The following CACUL1 variants were observed in gnomAD, a reference collection of about 807,000 sequenced individuals.
CACUL1 encodes CDK2-associated and cullin domain-containing protein 1.
Under a neutral mutation model 45.2 loss-of-function variants are expected in CACUL1, and 13 were observed. The ratio of observed to expected loss-of-function variants is 0.29; its 90% confidence interval spans 0.19 to 0.46. The LOEUF is 0.46. CACUL1 is among the 20% of genes least tolerant of loss of function. CACUL1 has a pLI of 1.00. For synonymous variants in CACUL1, 197 were observed against 174.2 expected (o/e 1.13, Z -1.03); for missense variants, 421 against 471.4 (o/e 0.89, Z 0.99).
chr10:118,686,287 A>G, intron 8 of CACUL1, 119 bp from the exon 9 acceptor site: 2 of 868,120 alleles, frequency 2.3e-6, no homozygotes, highest in Non-Finnish European at 3.7e-6. Flanking sequence ...AAAAGGCTTA[A>G]AAAAAATCCT....
intron 3 of CACUL1, among the ~76,000 whole-genome samples, chr10:118,713,727 T>C (rs1033146603): frequency 6.6e-6 from 1 of 152,204 alleles, no homozygotes; most frequent in Non-Finnish European, 1.5e-5. Flanking sequence ...TTTATGCCTA[T>C]ACTAGAAAAT....
At chr10:118,718,285 C>G (rs1173106453) in intron 3 of CACUL1, among the ~76,000 whole-genome samples, 1 of 151,824 alleles carries the variant, frequency 6.6e-6, no homozygotes, top group Non-Finnish European at 1.5e-5. Context: ...CAAGGTTCCC[C>G]AAAGATACAA....
In CACUL1 at chr10:118,707,567, A is replaced by G. The variant is rs749536951; in HGVS notation, c.618T>C (p.Tyr206=). The G allele has an allele frequency of 2.6e-6, 4 of 1,565,310 alleles. No individual in the cohort carries two copies. In the African/African-American group the frequency reaches 4.1e-5, roughly 16 times the overall value. Residue 206 remains tyrosine, a synonymous_variant, in exon 4 of 9, where the codon TAT becomes TAC. Transcript: ENST00000369151. ...CAAGAGCTATATTAAATCTTTCAAT[A>G]TAGAGATCTGGAGGGCTGGCCTGTG... The part of the protein sequence containing the change: ...KELQASPPDL[Y]IERFNIALGQ...
intron 3 of CACUL1, among the ~76,000 whole-genome samples, chr10:118,720,570 T>C (rs923690773): frequency 5.3e-5 from 8 of 152,206 alleles, no homozygotes; most frequent in Admixed American, 4.6e-4. Flanking sequence ...AAACAGCTAT[T>C]ATTTATGTGA....
intron 3 of CACUL1, among the ~76,000 whole-genome samples, chr10:118,724,756 G>C (rs889093248): frequency 6.6e-6 from 1 of 152,192 alleles, no homozygotes; most frequent in East Asian, 1.9e-4. Context: ...AAAGAGGACA[G>C]AGCAAGATAT....
At chr10:118,745,336 T>G (rs963772512) in intron 1 of CACUL1, among the ~76,000 whole-genome samples, 1 of 151,946 alleles carries the variant, frequency 6.6e-6, no homozygotes, top group Non-Finnish European at 1.5e-5. Context: ...GGTAGGTAGG[T>G]GGATCACCTG....
At chr10:118,717,722 C>T (rs905956828) in intron 3 of CACUL1, among the ~76,000 whole-genome samples, 1 of 152,136 alleles carries the variant, frequency 6.6e-6, no homozygotes, top group African/African-American at 2.4e-5. Flanking sequence ...CAAGTGTGAA[C>T]TAACAGTGTA....
At position 118,684,441 on chromosome 10, in the gene CACUL1, G is replaced by C. The variant is rs1208785073; in HGVS notation, c.*1687C>G. On this transcript the variant is annotated 3_prime_UTR_variant, in exon 9 of 9. Coordinates refer to ENST00000369151, the MANE Select transcript of CACUL1 (RefSeq NM_153810.5). Reference sequence around the variant, plus strand: ...AGCAACTTAAACTGTCCAGGTCATAGTGAGAGCCTGTCTATGTTCTTACAG... The same window carrying C: ...AGCAACTTAAACTGTCCAGGTCATACTGAGAGCCTGTCTATGTTCTTACAG... The C allele has an allele frequency of 1.3e-5, 2 of 152,240 alleles. No individual in the cohort carries two copies. The highest frequency in any genetic ancestry group is 1.3e-4 in the Admixed American group (2 of 15,284). The allele number at this position is 152,240 out of a possible 1,614,324, so 9.4% of individuals were successfully genotyped here.
At chr10:118,737,303 A>G (rs887924814) in intron 1 of CACUL1, among the ~76,000 whole-genome samples, 1 of 152,222 alleles carries the variant, frequency 6.6e-6, no homozygotes, top group Admixed American at 6.5e-5. Context: ...GCATAATTCA[A>G]TTTAAACACT....
chr10:118,752,097 T>G (rs1318975413), intron 1 of CACUL1, among the ~76,000 whole-genome samples: 1 of 152,198 alleles, frequency 6.6e-6, no homozygotes, highest in Non-Finnish European at 1.5e-5. Flanking sequence ...TCTAGGTAGG[T>G]GATCATATTA....
chr10:118,716,905 TA>T (rs1249192163), intron 3 of CACUL1, among the ~76,000 whole-genome samples: 2 of 152,158 alleles, frequency 1.3e-5, no homozygotes, highest in African/African-American at 4.8e-5. Flanking sequence ...CCCAGCGCAC[TA>T]TCTTATTCTT....
chr10:118,695,295 T>C, intron 5 of CACUL1, 65 bp from the exon 6 acceptor site: 1 of 908,754 alleles, frequency 1.1e-6, no homozygotes, highest in South Asian at 1.3e-5. Flanking sequence ...TCTCTATTAC[T>C]GTTTCTCCCA....
In CACUL1 at chr10:118,734,972, C is replaced by A. The variant is rs902867483; in HGVS notation, c.368-4562G>T. On this transcript the variant is annotated intron_variant, in intron 1 of 8. Transcript: ENST00000369151. ...AGAATAAATATGTTCAACTCTCACA[C>A]TTTTTTAATCCAAATAACTTGACAT... Among the ~76,000 whole-genome samples the A allele has an allele frequency of 9.8e-5, 15 of 152,306 alleles. No homozygotes were observed. In the South Asian group the frequency reaches 1.9e-3, roughly 19 times the overall value.
At chr10:118,738,979 C>T (rs1214925968) in intron 1 of CACUL1, among the ~76,000 whole-genome samples, 1 of 147,724 alleles carries the variant, frequency 6.8e-6, no homozygotes, top group African/African-American at 2.5e-5. Context: ...AGGCGGATCA[C>T]GAGGTCAGGA....
intron 3 of CACUL1, among the ~76,000 whole-genome samples, chr10:118,727,059 T>C (rs886311167): frequency 6.6e-6 from 1 of 152,024 alleles, no homozygotes; most frequent in African/African-American, 2.4e-5. Flanking sequence ...CAAACTAAAT[T>C]CCCTGGTTTT....
At chr10:118,740,206 A>G (rs755873515) in intron 1 of CACUL1, among the ~76,000 whole-genome samples, 1 of 152,196 alleles carries the variant, frequency 6.6e-6, no homozygotes, top group African/African-American at 2.4e-5. Flanking sequence ...AATACAAACA[A>G]GGCAACTAAC....
intron 4 of CACUL1, among the ~76,000 whole-genome samples, chr10:118,704,739 A>G (rs1845417393): frequency 6.6e-6 from 1 of 152,236 alleles, no homozygotes; most frequent in Admixed American, 6.5e-5. Flanking sequence ...AAAAGGCCTC[A>G]GACTCAGACA....
chr10:118,738,956 T>C (rs1564838429), intron 1 of CACUL1, among the ~76,000 whole-genome samples: 1 of 146,850 alleles, frequency 6.8e-6, no homozygotes, highest in South Asian at 2.2e-4. Context: ...CCAGCACTTT[T>C]GGAGGCCAAG....
At chr10:118,750,203 G>A (rs1176488532) in intron 1 of CACUL1, among the ~76,000 whole-genome samples, 2 of 152,132 alleles carry the variant, frequency 1.3e-5, no homozygotes, top group Non-Finnish European at 2.9e-5. Flanking sequence ...GTGCACACCT[G>A]TAATCCCAGC....
Sources: allele counts gnomAD v4.1 joint callset (sites outside exome capture counted in the v4.1 genomes callset), GRCh38; gene constraint gnomAD v4.1.1; transcripts MANE v1.5; gene names NCBI Gene and HGNC (gene_info 2026-07-23, HGNC 2026-07-21).